NTM: variants seen among roughly 807,000 people sequenced by gnomAD.
NTM encodes the protein IgLON family member 2.
NTM carries 13 observed loss-of-function variants against 42.1 expected under a neutral mutation model. The ratio of observed to expected loss-of-function variants is 0.31; its 90% CI spans 0.20 to 0.49. The LOEUF is 0.49. Ranked by LOEUF, NTM falls within the 20% of genes least tolerant of loss-of-function variation. NTM has a pLI of 0.99. For synonymous variants in NTM, 187 were observed against 179.2 expected (o/e 1.04, Z -0.35); for missense variants, 373 against 452.8 (o/e 0.82, Z 1.60).
intron 2 of NTM, among the ~76,000 whole-genome samples, chr11:131,939,706 C>A (rs571558225): frequency 6.6e-6 from 1 of 152,296 alleles, no homozygotes; most frequent in South Asian, 2.1e-4. Context: ...TCATCTGGAA[C>A]AATCTGGTTA....
At chr11:131,636,958 T>C (rs2064478691) in intron 1 of NTM, among the ~76,000 whole-genome samples, 1 of 152,186 alleles carries the variant, frequency 6.6e-6, no homozygotes, top group Non-Finnish European at 1.5e-5. Context: ...CAGGAATGGC[T>C]AGATAGATTG....
At chr11:132,046,899 A>G (rs907792174) in intron 2 of NTM, among the ~76,000 whole-genome samples, 2 of 152,198 alleles carry the variant, frequency 1.3e-5, no homozygotes, top group Non-Finnish European at 2.9e-5. Context: ...TCTGTTATCT[A>G]TCTATCACCT....
chr11:131,933,852 T>G (rs2134123856), intron 2 of NTM, among the ~76,000 whole-genome samples: 1 of 142,268 alleles, frequency 7.0e-6, no homozygotes, highest in Non-Finnish European at 1.5e-5. Context: ...ATATAAATTC[T>G]AGTGGGCATT....
intron 1 of NTM, among the ~76,000 whole-genome samples, chr11:131,512,692 C>T (rs994699449): frequency 5.3e-5 from 8 of 152,210 alleles, no homozygotes; most frequent in African/African-American, 1.7e-4. Flanking sequence ...GCCGTGGAAT[C>T]CTCTCCCAGC....
intron 1 of NTM, among the ~76,000 whole-genome samples, chr11:131,478,359 A>G (rs374207731): frequency 3.7e-4 from 56 of 152,344 alleles, no homozygotes; most frequent in African/African-American, 1.3e-3. Context: ...TAACTCTTCT[A>G]GAGAGCATTT....
At chr11:131,670,824 C>T (rs1476772816) in intron 1 of NTM, among the ~76,000 whole-genome samples, 2 of 152,176 alleles carry the variant, frequency 1.3e-5, no homozygotes, top group Non-Finnish European at 2.9e-5. Flanking sequence ...TGATGCTGCC[C>T]GGCGAGGTGG....
At chr11:132,048,433 T>A (rs1307786037) in intron 2 of NTM, among the ~76,000 whole-genome samples, 2 of 152,190 alleles carry the variant, frequency 1.3e-5, no homozygotes. Flanking sequence ...GAGGGGCCAG[T>A]ACTTCCTGGG....
At chr11:131,641,456 C>T (rs998081952) in intron 1 of NTM, among the ~76,000 whole-genome samples, 2 of 152,186 alleles carry the variant, frequency 1.3e-5, no homozygotes, top group Admixed American at 6.5e-5. Context: ...GGTAGAGCTG[C>T]GACCTACCTC....
chr11:131,750,880 GCT>G (rs1306339747), intron 1 of NTM, among the ~76,000 whole-genome samples: 2 of 152,050 alleles, frequency 1.3e-5, no homozygotes, highest in African/African-American at 2.4e-5. Flanking sequence ...GGGGATGCCT[GCT>G]CTCTCTCCTC....
intron 3 of NTM, among the ~76,000 whole-genome samples, chr11:132,210,709 G>A (rs1213002392): frequency 1.3e-5 from 2 of 152,164 alleles, no homozygotes; most frequent in Non-Finnish European, 2.9e-5. Flanking sequence ...CAACAATGAG[G>A]TTCTACGACT....
intron 2 of NTM, among the ~76,000 whole-genome samples, chr11:131,994,536 G>A (rs921231336): frequency 2.0e-5 from 3 of 152,186 alleles, no homozygotes; most frequent in African/African-American, 7.2e-5. Flanking sequence ...CACAGAAACA[G>A]GAGCATCTAA....
At chr11:131,645,743 C>T (rs2658883) in intron 1 of NTM, among the ~76,000 whole-genome samples, 28,074 of 152,132 alleles carry the variant, frequency 0.18, 2,822 homozygotes, top group South Asian at 0.23. Context: ...AGTTCTCCTT[C>T]GGAGTGTCAA....
chr11:131,374,676 T>TG (rs1482066058), intron 1 of NTM, among the ~76,000 whole-genome samples: 1 of 152,194 alleles, frequency 6.6e-6, no homozygotes, highest in Non-Finnish European at 1.5e-5. Context: ...GCGTACTGTC[T>TG]GCCAGGCTGA....
intron 2 of NTM, among the ~76,000 whole-genome samples, chr11:131,972,552 A>C (rs983071862): frequency 4.6e-5 from 7 of 152,258 alleles, no homozygotes; most frequent in African/African-American, 1.7e-4. Context: ...TCATCTACTA[A>C]ACTGTCTGTC....
chr11:132,107,727 CA>C (rs771423399), intron 2 of NTM, among the ~76,000 whole-genome samples: 5 of 152,022 alleles, frequency 3.3e-5, no homozygotes, highest in Non-Finnish European at 5.9e-5. Context: ...ATCATGGGAA[CA>C]ATCTATGATA....
At chr11:131,622,896 A>G (rs1249793510) in intron 1 of NTM, among the ~76,000 whole-genome samples, 1 of 152,172 alleles carries the variant, frequency 6.6e-6, no homozygotes, top group East Asian at 1.9e-4. Context: ...TGTCACTAAC[A>G]CACTGGTTGC....
intron 1 of NTM, among the ~76,000 whole-genome samples, chr11:131,457,028 T>C (rs994970100): frequency 6.6e-6 from 1 of 152,176 alleles, no homozygotes; most frequent in Non-Finnish European, 1.5e-5. Flanking sequence ...TTCAGGGAAA[T>C]GGACTTGTAA....
intron 2 of NTM, among the ~76,000 whole-genome samples, chr11:132,010,939 A>G (rs973398830): frequency 3.3e-5 from 5 of 151,786 alleles, no homozygotes; most frequent in Non-Finnish European, 5.9e-5. Context: ...TTATCTGTGT[A>G]TAACCACTAA....
At chr11:131,479,952 A>G (rs1953381058) in intron 1 of NTM, among the ~76,000 whole-genome samples, 1 of 152,166 alleles carries the variant, frequency 6.6e-6, no homozygotes, top group African/African-American at 2.4e-5. Context: ...AAAATTTCAA[A>G]TAGAGGCAGG....
Sources: gnomAD v4.1 joint callset for allele counts (sites outside exome capture counted in the v4.1 genomes callset) on GRCh38, gnomAD v4.1.1 for gene constraint, MANE v1.5 for transcripts, NCBI Gene and HGNC (gene_info 2026-07-23, HGNC 2026-07-21) for gene names.